NPTXR: variants seen among roughly 807,000 people sequenced by gnomAD.
NPTXR encodes the protein neuronal pentraxin receptor.
NPTXR carries 12 observed loss-of-function variants against 32.2 expected under a neutral mutation model. The observed-to-expected ratio is 0.37, with a 90% CI of 0.24 to 0.60. The LOEUF (loss-of-function observed/expected upper bound fraction) is 0.60, where lower values mean the gene tolerates loss of function less well. Ranked by LOEUF, NPTXR falls within the 20% of genes least tolerant of loss-of-function variation. The pLI is 0.66. For missense variants in NPTXR, 612 were observed against 682.9 expected, an observed-to-expected ratio of 0.90 and a Z score of 1.16; for synonymous variants, 323 against 315.8, an observed-to-expected ratio of 1.02 and a Z score of -0.24.
chr22:38,843,548 G>T lies in NPTXR; in HGVS notation c.311C>A (p.Pro104Gln). 8.0e-7 allele frequency: 1 copy of T among 1,243,432 alleles called. No homozygotes were observed. Among genetic ancestry groups the T allele is most frequent in the Non-Finnish European group, 1.0e-6 (1 of 995,120 alleles). The allele number at this position is 1,243,432 out of a possible 1,614,324, so 77.0% of individuals were successfully genotyped here. ...CGCGTCCCCCTGCTGGGCCCCCGAC[G>T]GGCAGGCAGCAGCCAGCGGCGTGCA... is the stretch of plus-strand genomic sequence containing the variant. The change falls in exon 1 of 5, where the codon CCG (proline) becomes CAG (glutamine). Residue 104 changes from proline to glutamine, a missense_variant. By Grantham distance (76) the Pro-to-Gln change is moderately conservative. Coordinates refer to ENST00000333039, the MANE Select transcript of NPTXR (RefSeq NM_014293.4). This position sits in a 1 kb window ranked among gnomAD's most constrained non-coding sequence, Gnocchi z 5.3.
chr22:38,818,882 T>G lies in NPTXR; in HGVS notation c.*3727A>C, dbSNP rs2093092049. The G allele has an allele frequency of 1.3e-5, 2 of 152,528 alleles. No homozygotes were observed. The highest frequency in any genetic ancestry group is 1.3e-4 in the Admixed American group (2 of 15,282). 9.4% of individuals were successfully genotyped at this position (152,528 alleles called of 1,614,324 possible). ...GACACACAAAGGAGGGGGGACTCAG[T>G]GCTGGGGAGAGGCTGCTGCGTCCTA... On this transcript the variant is annotated 3_prime_UTR_variant, in exon 5 of 5. Coordinates refer to ENST00000333039, the MANE Select transcript of NPTXR (RefSeq NM_014293.4). This position sits in a 1 kb window ranked among gnomAD's most constrained non-coding sequence, Gnocchi z 4.5.
At chr22:38,829,456 G>A (rs555940603) in intron 1 of NPTXR, among the ~76,000 whole-genome samples, 181 of 152,264 alleles carry the variant, frequency 1.2e-3, no homozygotes, top group African/African-American at 4.2e-3. Context: ...AGGTGAGGCC[G>A]CAGGTCCAGA....
intron 4 of NPTXR, 27 bp downstream of exon 4, chr22:38,823,056 C>A: frequency 6.2e-7 from 1 of 1,612,934 alleles, no homozygotes; most frequent in African/African-American, 1.3e-5. Context: ...TTAGGAGGTC[C>A]AGCCCCAATA....
At position 38,826,550 on chromosome 22, in the gene NPTXR, C is replaced by A. The variant is rs762739466; in HGVS notation, c.1048G>T (p.Val350Leu). ...GGCTCATGGCCCGCCTCTAGCAGTA[C>A]AATCTCGTTGGCCTGCCCGGGCACT... The change falls in exon 3 of 5, where the codon GTA becomes TTA. Residue 350 changes from valine (V) to leucine (L), a missense_variant. Coordinates refer to ENST00000333039, the MANE Select transcript of NPTXR (RefSeq NM_014293.4). 6.2e-7 allele frequency: 1 copy of A among 1,614,132 alleles called. No individual in the cohort carries two copies. Among genetic ancestry groups the A allele is most frequent in the Non-Finnish European group, 8.5e-7 (1 of 1,180,004 alleles).
At chr22:38,828,897 G>A (rs901216672) in intron 1 of NPTXR, among the ~76,000 whole-genome samples, 3 of 152,232 alleles carry the variant, frequency 2.0e-5, no homozygotes, top group African/African-American at 7.2e-5. Flanking sequence ...GCTGGTAAAG[G>A]GGCGGACCAT....
chr22:38,838,518 C>T (rs548967038), intron 1 of NPTXR, among the ~76,000 whole-genome samples: 12 of 151,514 alleles, frequency 7.9e-5, no homozygotes, highest in African/African-American at 2.2e-4. Context: ...CTCTGGGCTC[C>T]GAGGCAGAAA....
At chr22:38,830,898 T>C (rs2093115155) in intron 1 of NPTXR, among the ~76,000 whole-genome samples, 1 of 152,012 alleles carries the variant, frequency 6.6e-6, no homozygotes, top group Non-Finnish European at 1.5e-5. Context: ...CCCCACCTCT[T>C]GTGTAAGAGG....
chr22:38,826,963 C>T (rs1336977138), intron 2 of NPTXR, among the ~76,000 whole-genome samples: 2 of 152,216 alleles, frequency 1.3e-5, no homozygotes, highest in African/African-American at 4.8e-5. Context: ...TCTCGTCTCC[C>T]CCACTTCCCA....
At chr22:38,839,632 T>C (rs2093129229) in intron 1 of NPTXR, among the ~76,000 whole-genome samples, 1 of 150,980 alleles carries the variant, frequency 6.6e-6, no homozygotes, top group African/African-American at 2.5e-5. Flanking sequence ...GCGACAGAGC[T>C]AGACTTTGTC....
chr22:38,835,916 T>C (rs562269136), intron 1 of NPTXR, among the ~76,000 whole-genome samples: 1 of 152,258 alleles, frequency 6.6e-6, no homozygotes, highest in Non-Finnish European at 1.5e-5. Flanking sequence ...CCCAAGACTG[T>C]CCTGGGGAGA....
intron 1 of NPTXR, among the ~76,000 whole-genome samples, chr22:38,840,028 GAAC>G (rs1252831476): frequency 6.6e-6 from 1 of 152,206 alleles, no homozygotes; most frequent in Non-Finnish European, 1.5e-5. Flanking sequence ...TTATTTCAAT[GAAC>G]AACAATAACA....
rs1030151335 is a variant in NPTXR at position 38,819,845 on chromosome 22, C to T, written c.*2764G>A. 1 of 152,672 alleles carries T rather than the reference C, an allele frequency of 6.5e-6. No individual in the cohort carries two copies. Among genetic ancestry groups the T allele is most frequent in the African/African-American group, 2.4e-5 (1 of 41,434 alleles). 9.5% of individuals were successfully genotyped at this position (152,672 alleles called of 1,614,324 possible). On this transcript the variant is annotated 3_prime_UTR_variant, in exon 5 of 5. Transcript: ENST00000333039. ...GCAGCAGAAGATAGGAAAAGCGGGA[C>T]CCAAACAGTGGTGCTGGGGAAATTT...
In NPTXR at chr22:38,826,554, C is replaced by A. The variant is rs1352149299; in HGVS notation, c.1044G>T (p.Glu348Asp). 13 of 1,614,166 alleles carry A rather than the reference C, an allele frequency of 8.1e-6. No homozygotes were observed. The highest frequency in any genetic ancestry group is 1.1e-5 in the Non-Finnish European group (13 of 1,180,012). The change falls in exon 3 of 5, where the codon GAG becomes GAT. Residue 348 changes from glutamate to aspartate, a missense_variant. By Grantham distance (45) the Glu-to-Asp change is conservative. Coordinates refer to ENST00000333039, the MANE Select transcript of NPTXR (RefSeq NM_014293.4). ...CATGGCCCGCCTCTAGCAGTACAAT[C>A]TCGTTGGCCTGCCCGGGCACTGAGT...
At position 38,843,963 on chromosome 22, in the gene NPTXR, C is replaced by G. The variant is rs1282866904; in HGVS notation, c.-105G>C. 1 of 352,510 alleles carries G rather than the reference C, an allele frequency of 2.8e-6. No homozygotes were observed. Among genetic ancestry groups the G allele is most frequent in the Non-Finnish European group, 3.9e-6 (1 of 255,706 alleles). 21.8% of individuals were successfully genotyped at this position (352,510 alleles called of 1,614,324 possible). A position where few individuals can be genotyped will look rare whatever the true frequency, so the allele number is the denominator to read the frequency against. On this transcript the variant is annotated 5_prime_UTR_variant, in exon 1 of 5. Coordinates refer to ENST00000333039, the MANE Select transcript of NPTXR (RefSeq NM_014293.4). The surrounding 1 kb of genome is among the most constrained non-coding windows in gnomAD (Gnocchi z 5.3). ...GGCCGAGCGGGGCAGGCGCGGGAGC[C>G]GGAGCCGGAGCCGGAGCCGGAGCCG...
At chr22:38,839,611 C>T (rs959223516) in intron 1 of NPTXR, among the ~76,000 whole-genome samples, 5 of 151,960 alleles carry the variant, frequency 3.3e-5, no homozygotes, top group Non-Finnish European at 7.4e-5. Flanking sequence ...CGCCACTGCA[C>T]TCCAGCCTGG....
intron 1 of NPTXR, among the ~76,000 whole-genome samples, chr22:38,835,840 A>G (rs535692835): frequency 3.3e-5 from 5 of 152,282 alleles, no homozygotes; most frequent in African/African-American, 7.2e-5. Context: ...GTGGAAGCAC[A>G]TAAGTGCTCC....
chr22:38,831,963 C>T (rs1181842410), intron 1 of NPTXR, among the ~76,000 whole-genome samples: 9 of 152,176 alleles, frequency 5.9e-5, no homozygotes, highest in Admixed American at 4.6e-4. Context: ...AACCGATACC[C>T]CTGGAGCCAG....
At chr22:38,822,890 C>T in intron 4 of NPTXR, 57 bp from the exon 5 acceptor site, 1 of 1,538,042 alleles carries the variant, frequency 6.5e-7, no homozygotes, top group Non-Finnish European at 8.9e-7. Flanking sequence ...GCAGAAAAGA[C>T]AGGCAGGCTG....
chr22:38,828,409 A>T lies in NPTXR; in HGVS notation c.728T>A (p.Leu243Gln). 1 of 1,612,844 alleles carries T rather than the reference A, an allele frequency of 6.2e-7. No homozygotes were observed. The highest frequency in any genetic ancestry group is 8.5e-7 in the Non-Finnish European group (1 of 1,179,902). ...CTTCTCCAGTGCCAGCACCTGGGCC[A>T]GCAGCTGCCCCTCCAGCTGGTCCAT... is the stretch of plus-strand genomic sequence containing the variant. Residue 243 changes from leucine (L) to glutamine (Q), a missense_variant, in exon 2 of 5, where the codon CTG (leucine) becomes CAG (glutamine). By Grantham distance (113) the Leu-to-Gln change is moderately radical. Transcript: ENST00000333039.
Sources: allele counts gnomAD v4.1 joint callset (sites outside exome capture counted in the v4.1 genomes callset), GRCh38; gene constraint gnomAD v4.1.1; non-coding constraint Gnocchi (gnomAD v3.1); transcripts MANE v1.5; gene names NCBI Gene and HGNC (gene_info 2026-07-23, HGNC 2026-07-21).